USP54: variants seen among roughly 807,000 people sequenced by gnomAD.
USP54 encodes ubiquitin specific peptidase 54.
Under a neutral mutation model 170.5 loss-of-function variants are expected in USP54, and 87 were observed. The ratio of observed to expected loss-of-function variants is 0.51; its 90% confidence interval spans 0.43 to 0.61. The LOEUF is 0.61. Among genes scored for constraint, USP54 ranks in the 20% least tolerant of loss-of-function variants. USP54 has a pLI of 0.00. For synonymous variants in USP54, 655 were observed against 742.8 expected (o/e 0.88, Z 1.92); for missense variants, 1,786 against 2,047.8 (o/e 0.87, Z 2.47).
intron 4 of USP54, among the ~76,000 whole-genome samples, chr10:73,547,680 T>A (rs973240217): frequency 6.6e-6 from 1 of 152,230 alleles, no homozygotes; most frequent in Non-Finnish European, 1.5e-5. Flanking sequence ...GCTAGCCATA[T>A]GTAGAAAGCT....
At chr10:73,579,247 G>A (rs1305459548) in intron 1 of USP54, among the ~76,000 whole-genome samples, 5 of 151,720 alleles carry the variant, frequency 3.3e-5, no homozygotes, top group Admixed American at 2.6e-4. Context: ...CACTGCACCC[G>A]GACAAAGATT....
chr10:73,528,923 T>A (rs1237386918), intron 15 of USP54: 1 of 152,260 alleles, frequency 6.6e-6, no homozygotes, highest in Non-Finnish European at 1.5e-5. Flanking sequence ...GTTACCCATT[T>A]TTTTTGTTTT....
intron 19 of USP54, 181 bp downstream of exon 19, chr10:73,519,615 TA>T (rs2061597160): frequency 1.1e-6 from 1 of 918,248 alleles, no homozygotes; most frequent in South Asian, 1.8e-5. Context: ...TAGGAATTAT[TA>T]AGATAAGGAC....
At chr10:73,606,175 CAAAAAAAAAAAA>C (rs1178699732) in intron 1 of USP54, among the ~76,000 whole-genome samples, 5 of 25,592 alleles carry the variant, frequency 2.0e-4, no homozygotes, top group South Asian at 1.4e-3. Flanking sequence ...GAGGCTGTCT[CAAAAAAAAAAAA>C]AAAAAAAAAA....
At chr10:73,504,737 G>T in intron 22 of USP54, 113 bp downstream of exon 22, 1 of 1,403,738 alleles carries the variant, frequency 7.1e-7, no homozygotes, top group Non-Finnish European at 9.8e-7. Context: ...TGAGTACACA[G>T]GGCCTTTCCT....
At chr10:73,612,499 T>C (rs2080227359) in intron 1 of USP54, among the ~76,000 whole-genome samples, 1 of 152,058 alleles carries the variant, frequency 6.6e-6, no homozygotes, top group African/African-American at 2.4e-5. Context: ...AGATTTCCCC[T>C]AAAAGTAAAC....
chr10:73,592,183 C>A (rs933831154), upstream of USP54, among the ~76,000 whole-genome samples: 5 of 151,620 alleles, frequency 3.3e-5, no homozygotes, highest in African/African-American at 1.2e-4. Flanking sequence ...CCAACACACA[C>A]CCTTCTATGT....
chr10:73,539,886 G>A (rs1444115371), intron 9 of USP54, among the ~76,000 whole-genome samples: 2 of 152,114 alleles, frequency 1.3e-5, no homozygotes, highest in Non-Finnish European at 2.9e-5. Context: ...TACACTTTGG[G>A]AGGGTGAGGT....
rs536598954 is a variant in USP54, at chr10:73,521,784, A to C, written c.2363-757T>G. Among the ~76,000 whole-genome samples the C allele has an allele frequency of 1.1e-4, 17 of 152,358 alleles. No individual in the cohort carries two copies. The South Asian group carries it at 3.3e-3, about 30-fold the overall frequency. On this transcript the variant is annotated intron_variant, in intron 17 of 23. Coordinates refer to ENST00000687698, the MANE Select transcript of USP54 (RefSeq NM_001391956.1). The stretch of plus-strand genomic sequence containing the variant: ...CACCTTCCCATACAGCAAGCAGGGA[A>C]TATTCCATCCTCCTCTCAAAGTGAA...
Position 73,545,733 on chromosome 10 carries a change from C to T in USP54, c.241-61G>A, listed in dbSNP as rs1239826661. 15 of 1,575,298 alleles carry T rather than the reference C, an allele frequency of 9.5e-6. No homozygotes were observed. The Admixed American group carries it at 2.3e-4, about 24-fold the overall frequency. ...ATGCTGTTATTAAACTTCTATACAT[C>T]CTAGTCTGTCATGCTAGCATCTCCA... On this transcript the variant is annotated intron_variant, in intron 4 of 23. Coordinates refer to ENST00000687698, the MANE Select transcript of USP54 (RefSeq NM_001391956.1).
rs768709774 is a variant in USP54 at position 73,519,930 on chromosome 10, T to C, written c.2545A>G (p.Lys849Glu). The part of the protein sequence containing the change: ...CSTHSRALVD[K>E]KLQISIRKAR... ...TTTCGAATACTGATTTGCAACTTCTTATCGACTAGGGCTCTGCTGTGCGTG... is the reference window on the plus strand; with the variant it reads ...TTTCGAATACTGATTTGCAACTTCTCATCGACTAGGGCTCTGCTGTGCGTG... The change falls in exon 19 of 24, where the codon AAG becomes GAG. Residue 849 changes from lysine (K) to glutamate (E), a missense_variant. Physicochemically the swap from Lys to Glu is moderately conservative, Grantham distance 56. Coordinates refer to ENST00000687698, the MANE Select transcript of USP54 (RefSeq NM_001391956.1). 4 of 1,613,930 alleles carry C rather than the reference T, an allele frequency of 2.5e-6. No individual in the cohort carries two copies. The South Asian group carries it at 4.4e-5, about 18-fold the overall frequency.
In USP54 at chr10:73,516,690, T is replaced by C. The variant is rs149513992; in HGVS notation, c.3736A>G (p.Lys1246Glu). 71 of 1,614,082 alleles carry C rather than the reference T, an allele frequency of 4.4e-5. 1 individual carries two copies. The African/African-American group carries it at 8.4e-4, about 19-fold the overall frequency. Residue 1246 changes from lysine (K) to glutamate (E), a missense_variant, in exon 20 of 24, where the codon AAG becomes GAG. Around this residue, in one of 3 missense-constraint regions of USP54, gnomAD observed 1,418 missense variants for 1,569.0 expected, o/e 0.90. Transcript: ENST00000687698. ...AAGTCAGTACTGCTGCCCAGATCCT[T>C]AGACCTAACATCTCTCACTTGGGAC... ...KLSQVRDVRS[K>E]DLGSSTDLGT...
chr10:73,552,285 C>T (rs1005358853), intron 4 of USP54, among the ~76,000 whole-genome samples: 1 of 152,032 alleles, frequency 6.6e-6, no homozygotes, highest in Non-Finnish European at 1.5e-5. Flanking sequence ...TTGCGGTGAG[C>T]GCCTATAGTC....
intron 17 of USP54, among the ~76,000 whole-genome samples, chr10:73,522,993 G>C (rs2062152101): frequency 6.6e-6 from 1 of 152,172 alleles, no homozygotes; most frequent in Non-Finnish European, 1.5e-5. Flanking sequence ...ACTTCAGCTT[G>C]GCTGAACTAT....
chr10:73,503,981 G>T (rs755031080), intron 22 of USP54, among the ~76,000 whole-genome samples: 6 of 152,178 alleles, frequency 3.9e-5, no homozygotes, highest in Non-Finnish European at 7.3e-5. Context: ...CTCCCAAAGT[G>T]CTGGGATTAC....
At position 73,499,081 on chromosome 10, in the gene USP54, G is replaced by C; in HGVS notation, c.4603C>G (p.Arg1535Gly). ...RTLNYQSLPH[R>G]SRTDNSWAPW... ...GCCCAGGAGTTGTCTGTTCTGGAGCGATGGGGGAGGCTCTGGTAGTTCAAA... is the reference window on the plus strand; with the variant it reads ...GCCCAGGAGTTGTCTGTTCTGGAGCCATGGGGGAGGCTCTGGTAGTTCAAA... Residue 1535 changes from arginine (R) to glycine (G), a missense_variant, in exon 24 of 24, where the codon CGC (arginine) becomes GGC (glycine). Arg to Gly is a moderately radical substitution (Grantham distance 125, BLOSUM62 -2). This residue lies in a region of USP54 where 1,418 missense variants were observed against 1,569.0 expected (regional missense o/e 0.90). Transcript: ENST00000687698. The C allele has an allele frequency of 5.6e-6, 9 of 1,614,110 alleles. No homozygotes were observed. The highest frequency in any genetic ancestry group is 7.6e-6 in the Non-Finnish European group (9 of 1,180,014).
At chr10:73,541,325 T>C (rs17672418) in intron 9 of USP54, 50 bp downstream of exon 9, 31,124 of 1,610,842 alleles carry the variant, frequency 0.019, 568 homozygotes, top group Non-Finnish European at 0.019. Flanking sequence ...TCCTAAGCAA[T>C]ACTAAGACGC....
intron 1 of USP54, among the ~76,000 whole-genome samples, chr10:73,581,936 C>T (rs2076947234): frequency 6.6e-6 from 1 of 152,194 alleles, no homozygotes; most frequent in Non-Finnish European, 1.5e-5. Flanking sequence ...GAAAAAAACA[C>T]TTTCTCTGTA....
intron 2 of USP54, 28 bp downstream of exon 2, chr10:73,575,770 T>A: frequency 7.3e-7 from 1 of 1,366,680 alleles, no homozygotes; most frequent in African/African-American, 1.5e-5. Context: ...TTTAGTGAAT[T>A]TATTTTGGAA....
Sources: gnomAD v4.1 joint callset for allele counts (sites outside exome capture counted in the v4.1 genomes callset) on GRCh38, gnomAD v4.1.1 for gene constraint, gnomAD v4.1.1 regional missense constraint, MANE v1.5 for transcripts, NCBI Gene and HGNC (gene_info 2026-07-23, HGNC 2026-07-21) for gene names.